Variants in PTK2 observed in about 807,000 individuals in gnomAD.
The protein encoded by PTK2 is focal adhesion kinase 1.
PTK2 carries 45 observed loss-of-function variants against 150.1 expected under a neutral mutation model. The observed-to-expected ratio is 0.30, with a 90% CI of 0.24 to 0.38. The LOEUF (loss-of-function observed/expected upper bound fraction) is 0.38. Ranked by LOEUF, PTK2 falls within the 10% of genes least tolerant of loss-of-function variation. PTK2 has a pLI of 1.00. For synonymous variants in PTK2, 432 were observed against 449.2 expected (o/e 0.96, Z 0.48); for missense variants, 919 against 1,307.3 (o/e 0.70, Z 4.58).
chr8:140,827,663 C>T (rs757283943), intron 8 of PTK2, among the ~76,000 whole-genome samples: 3 of 152,112 alleles, frequency 2.0e-5, no homozygotes, highest in Non-Finnish European at 4.4e-5. Context: ...TCACATTGTA[C>T]TCAGTGTTCA....
At chr8:140,919,928 T>C (rs1195318816) in intron 2 of PTK2, among the ~76,000 whole-genome samples, 1 of 152,120 alleles carries the variant, frequency 6.6e-6, no homozygotes, top group African/African-American at 2.4e-5. Context: ...AAACTGTAGT[T>C]TGGTGCTAAC....
At chr8:140,783,731 A>G (rs1487393735) in intron 14 of PTK2, among the ~76,000 whole-genome samples, 1 of 152,266 alleles carries the variant, frequency 6.6e-6, no homozygotes, top group African/African-American at 2.4e-5. Flanking sequence ...ATAGTTCAGA[A>G]TAATTTCCAG....
At chr8:140,892,776 T>C (rs1401689579) in intron 2 of PTK2, among the ~76,000 whole-genome samples, 1 of 152,076 alleles carries the variant, frequency 6.6e-6, no homozygotes, top group Non-Finnish European at 1.5e-5. Context: ...ACAGAAATTC[T>C]TTTAAAATGA....
chr8:140,664,991 C>T (rs1465438686), exon 31 of PTK2: 6 of 1,613,418 alleles, frequency 3.7e-6, no homozygotes, highest in Admixed American at 1.7e-5. Flanking sequence ...AGGGCCAAGC[C>T]GACTTCCTAA....
chr8:140,927,417 GA>G (rs1220559826), intron 1 of PTK2: 12 of 152,104 alleles, frequency 7.9e-5, no homozygotes, highest in African/African-American at 2.7e-4. Flanking sequence ...CAAGCTAACT[GA>G]AACAGAGAAA....
chr8:140,938,608 T>C (rs1333656114), intron 1 of PTK2, among the ~76,000 whole-genome samples: 5 of 152,214 alleles, frequency 3.3e-5, no homozygotes, highest in African/African-American at 7.2e-5. Flanking sequence ...TTGTGGGAAC[T>C]GCCCTGCCAC....
chr8:140,864,805 A>C (rs1247256189), intron 4 of PTK2, among the ~76,000 whole-genome samples: 1 of 152,252 alleles, frequency 6.6e-6, no homozygotes, highest in African/African-American at 2.4e-5. Context: ...TGGATAAAAC[A>C]AACCAACATC....
intron 16 of PTK2, 50 bp downstream of exon 19, chr8:140,761,109 TTTAAAC>T: frequency 2.4e-6 from 3 of 1,226,258 alleles, no homozygotes; most frequent in Non-Finnish European, 3.6e-6. Flanking sequence ...ACAAAAGCAA[TTTAAAC>T]TTAAATAGTC....
chr8:140,795,986 T>C (rs1310059806), intron 12 of PTK2, among the ~76,000 whole-genome samples: 1 of 152,218 alleles, frequency 6.6e-6, no homozygotes, highest in Admixed American at 6.5e-5. Context: ...GCATCCTCTA[T>C]GTTTCTGCTG....
intron 22 of PTK2, among the ~76,000 whole-genome samples, chr8:140,721,138 C>T (rs573725889): frequency 1.3e-5 from 2 of 152,132 alleles, no homozygotes; most frequent in African/African-American, 2.4e-5. Context: ...TGAACTCCTG[C>T]GTTCCAGAGT....
intron 1 of PTK2, among the ~76,000 whole-genome samples, chr8:140,988,044 CA>C (rs71310813): frequency 0.49 from 49,425 of 101,510 alleles, 9,805 homozygotes; most frequent in Middle Eastern, 0.58. Context: ...GACCCTGTCT[CA>C]AAAAAAAAAA....
intron 23 of PTK2, among the ~76,000 whole-genome samples, chr8:140,717,137 C>T (rs1046082214): frequency 5.9e-5 from 9 of 151,996 alleles, no homozygotes; most frequent in South Asian, 2.1e-4. Flanking sequence ...CCACCAGCTA[C>T]GAAAGAAAAA....
At chr8:140,747,449 G>A (rs2100059687) in intron 17 of PTK2, among the ~76,000 whole-genome samples, 1 of 54,080 alleles carries the variant, frequency 1.8e-5, no homozygotes, top group Non-Finnish European at 3.8e-5. Flanking sequence ...GAAAGGGGGG[G>A]GGAAGAGGAG....
At chr8:140,955,196 T>G (rs2100180819) in intron 1 of PTK2, among the ~76,000 whole-genome samples, 3 of 152,188 alleles carry the variant, frequency 2.0e-5, no homozygotes, top group African/African-American at 7.2e-5. Context: ...CACTCAAATC[T>G]TGAATTGTAG....
intron 1 of PTK2, among the ~76,000 whole-genome samples, chr8:140,937,543 T>C (rs576169557): frequency 6.6e-4 from 99 of 149,292 alleles, no homozygotes; most frequent in Admixed American, 1.1e-3. Context: ...AGTATGTATC[T>C]CCCAAGTTTA....
chr8:140,764,292 T>G lies in PTK2; in HGVS notation c.1178-2A>C, dbSNP rs748230118. 1 of 1,607,162 alleles carries G rather than the reference T, an allele frequency of 6.2e-7. No homozygotes were observed. Among genetic ancestry groups the G allele is most frequent in the South Asian group, 1.1e-5 (1 of 90,878 alleles). On this transcript the variant is annotated splice_acceptor_variant, in intron 14 of 31. Transcript: ENST00000522684. LOFTEE classifies it high-confidence loss of function. Reference sequence around the variant, plus strand: ...TAATCTCAGCATAATCATCTGTTTCTGCAGGAAAAGAAACAGATATGTTGA... The same window carrying G: ...TAATCTCAGCATAATCATCTGTTTCGGCAGGAAAAGAAACAGATATGTTGA...
chr8:140,763,883 T>C lies in PTK2; in HGVS notation c.1234+351A>G, dbSNP rs1053930533. The stretch of plus-strand genomic sequence containing the variant: ...TATTATACATATATGGATATATATA[T>C]TGTGTGTGTATATACACACACATTC... On this transcript the variant is annotated intron_variant, in intron 15 of 31. Coordinates refer to ENST00000522684, the Ensembl canonical transcript of PTK2. Among the ~76,000 whole-genome samples, 3 of 152,156 alleles carry C rather than the reference T, an allele frequency of 2.0e-5. No homozygotes were observed. The East Asian group carries it at 5.8e-4, about 29-fold the overall frequency.
chr8:140,848,195 T>C (rs1303013922), intron 5 of PTK2, among the ~76,000 whole-genome samples: 1 of 152,218 alleles, frequency 6.6e-6, no homozygotes, highest in Non-Finnish European at 1.5e-5. Flanking sequence ...GCCTGCCATA[T>C]CTCTTTGTTA....
rs567250604 is a variant in PTK2, at chr8:140,879,133, T to TAATATATATATATATATATATATATA, written c.362+337_362+338insTATATATATATATATATATATATATT. Reference sequence around the variant, plus strand: ...AAAAGGATGACAAGGGATGAAAACATTATATATATATACATACACACACAC... The same window carrying TAATATATATATATATATATATATATA: ...AAAAGGATGACAAGGGATGAAAACATAATATATATATATATATATATATATATATATATATATACATACACACACAC... On this transcript the variant is annotated intron_variant, in intron 4 of 31. Coordinates refer to ENST00000522684, the Ensembl canonical transcript of PTK2. The TAATATATATATATATATATATATATA allele has an allele frequency of 1.8e-3, 285 of 162,506 alleles. 1 individual carries two copies. Among genetic ancestry groups the TAATATATATATATATATATATATATA allele is most frequent in the African/African-American group, 6.5e-3 (271 of 41,630 alleles). The allele number at this position is 162,506 out of a possible 1,614,324, so 10.1% of individuals were successfully genotyped here. A position where few individuals can be genotyped will look rare whatever the true frequency, so the allele number is the denominator to read the frequency against.
Sources: allele counts gnomAD v4.1 joint callset (sites outside exome capture counted in the v4.1 genomes callset), GRCh38; gene constraint gnomAD v4.1.1; transcripts MANE v1.5; gene names NCBI Gene and HGNC (gene_info 2026-07-23, HGNC 2026-07-21).